SPAG9: variants seen among roughly 807,000 people sequenced by gnomAD.
The protein encoded by SPAG9 is C-Jun-amino-terminal kinase-interacting protein 4.
In SPAG9, 35 loss-of-function variants were observed where a neutral mutation model predicts 166.5. That is an observed-to-expected ratio of 0.21 (90% CI 0.16 to 0.28). SPAG9 has a LOEUF of 0.28. SPAG9 is among the 10% of genes least tolerant of loss of function. The probability of loss-of-function intolerance (pLI) is 1.00; values close to 1 mark genes in which losing one functional copy is unlikely to be tolerated. For synonymous variants in SPAG9, 534 were observed against 565.5 expected, an observed-to-expected ratio of 0.94 and a Z score of 0.79; for missense variants, 1,235 against 1,603.3, an observed-to-expected ratio of 0.77 and a Z score of 3.92.
At chr17:51,006,021 T>C in intron 11 of SPAG9, 64 bp downstream of exon 11, 1 of 1,536,224 alleles carries the variant, frequency 6.5e-7, no homozygotes, top group Non-Finnish European at 9.0e-7. Context: ...CAGGGTTACA[T>C]CTGTAACCCT....
intron 19 of SPAG9, among the ~76,000 whole-genome samples, chr17:50,993,467 TCA>T (rs1185035020): frequency 6.6e-6 from 1 of 152,226 alleles, no homozygotes; most frequent in South Asian, 2.1e-4. Flanking sequence ...TGTTTTAACA[TCA>T]CATAATGTTT....
chr17:51,031,318 A>T, intron 6 of SPAG9: 1 of 257,760 alleles, frequency 3.9e-6, no homozygotes, highest in Non-Finnish European at 7.6e-6. Context: ...GTAAGATGAC[A>T]CACTAGGCCA....
intron 2 of SPAG9, among the ~76,000 whole-genome samples, chr17:51,069,568 C>A (rs1462149795): frequency 6.6e-6 from 1 of 151,960 alleles, no homozygotes; most frequent in African/African-American, 2.4e-5. Flanking sequence ...CTGTTTTAAG[C>A]CTTATTTAAT....
intron 5 of SPAG9, among the ~76,000 whole-genome samples, chr17:51,034,240 G>A (rs974429245): frequency 6.6e-6 from 1 of 152,028 alleles, no homozygotes; most frequent in African/African-American, 2.4e-5. Context: ...TTTTACCCTA[G>A]TAGGCACACT....
chr17:50,988,536 AAAAC>A (rs561777453), intron 21 of SPAG9, among the ~76,000 whole-genome samples: 110 of 152,320 alleles, frequency 7.2e-4, no homozygotes, highest in African/African-American at 2.3e-3. Flanking sequence ...GGAGGAGCCT[AAAAC>A]AAACAGTTTT....
At chr17:51,007,697 C>A in intron 9 of SPAG9, 1 of 288,540 alleles carries the variant, frequency 3.5e-6, no homozygotes. Flanking sequence ...TAAAAAAGAA[C>A]AGCTTTAATA....
chr17:51,005,496 A>G (rs2045173290), intron 11 of SPAG9, among the ~76,000 whole-genome samples: 1 of 152,240 alleles, frequency 6.6e-6, no homozygotes, highest in Non-Finnish European at 1.5e-5. Context: ...TTTCCTTATT[A>G]TCAAAACAAA....
intron 1 of SPAG9, among the ~76,000 whole-genome samples, chr17:51,119,096 T>C (rs559940945): frequency 2.4e-4 from 35 of 144,052 alleles, no homozygotes; most frequent in Middle Eastern, 7.5e-3. Context: ...TTTGAGAAAA[T>C]TGGATCCCAC....
intron 28 of SPAG9, among the ~76,000 whole-genome samples, chr17:50,971,309 AAAACAAAC>A (rs138130404): frequency 0.046 from 6,931 of 149,896 alleles, 495 homozygotes; most frequent in African/African-American, 0.15. Context: ...TTGCTTCTAA[AAAACAAAC>A]AAACAAACAA....
intron 24 of SPAG9, among the ~76,000 whole-genome samples, chr17:50,983,015 C>T (rs149680245): frequency 2.0e-4 from 31 of 152,250 alleles, no homozygotes; most frequent in African/African-American, 7.2e-4. Flanking sequence ...TTGGGAATAA[C>T]GTCTCTCAGT....
At chr17:51,033,700 G>C (rs2046471538) in intron 5 of SPAG9, among the ~76,000 whole-genome samples, 2 of 152,166 alleles carry the variant, frequency 1.3e-5, no homozygotes, top group African/African-American at 4.8e-5. Context: ...GCCTCTTTTA[G>C]AAAATATTTG....
At position 51,005,387 on chromosome 17, in the gene SPAG9, A is replaced by C. The variant is rs868384699; in HGVS notation, c.1425-124T>G. ...TTATTTTTCTTTTCCCAAACAGGGTATTTAGCCACCCTCATTTGGTGGAGT... is the reference window on the plus strand; with the variant it reads ...TTATTTTTCTTTTCCCAAACAGGGTCTTTAGCCACCCTCATTTGGTGGAGT... On this transcript the variant is annotated intron_variant, in intron 11 of 29. Coordinates refer to ENST00000262013, the MANE Select transcript of SPAG9 (RefSeq NM_001130528.3). 19 of 815,772 alleles carry C rather than the reference A, an allele frequency of 2.3e-5. No individual in the cohort carries two copies. The Middle Eastern group carries it at 2.6e-3, about 111-fold the overall frequency. 50.5% of individuals were successfully genotyped at this position (815,772 alleles called of 1,614,324 possible).
At chr17:51,068,118 T>C (rs983768531) in intron 2 of SPAG9, among the ~76,000 whole-genome samples, 2 of 152,232 alleles carry the variant, frequency 1.3e-5, no homozygotes, top group Admixed American at 6.5e-5. Context: ...GGAAGGCAGA[T>C]AGTCCAACTG....
intron 4 of SPAG9, chr17:51,047,118 A>G (rs1329073285): frequency 9.5e-6 from 2 of 210,054 alleles, no homozygotes; most frequent in African/African-American, 4.7e-5. Context: ...TAAACCTAGT[A>G]TAATCTCCAT....
At chr17:51,040,748 A>G (rs1437378337) in intron 5 of SPAG9, among the ~76,000 whole-genome samples, 1 of 152,222 alleles carries the variant, frequency 6.6e-6, no homozygotes, top group Non-Finnish European at 1.5e-5. Flanking sequence ...AGTATTATGG[A>G]GAAAAATAAA....
chr17:51,025,372 G>T (rs1193154563), intron 6 of SPAG9, among the ~76,000 whole-genome samples: 1 of 144,738 alleles, frequency 6.9e-6, no homozygotes. Flanking sequence ...TTGGTAACTG[G>T]CACCCAATAT....
chr17:51,066,567 G>GAAAAAAAAAAAA (rs71149340), intron 2 of SPAG9, among the ~76,000 whole-genome samples: 14 of 110,836 alleles, frequency 1.3e-4, no homozygotes, highest in South Asian at 3.0e-4. Context: ...AAAAAAAAAA[G>GAAAAAAAAAAAA]AAAAAAAAAA....
At chr17:51,058,648 A>G (rs1026609908) in intron 2 of SPAG9, among the ~76,000 whole-genome samples, 7 of 152,228 alleles carry the variant, frequency 4.6e-5, no homozygotes, top group African/African-American at 1.7e-4. Flanking sequence ...ATTCACAGAT[A>G]CTTTGATACA....
chr17:50,979,343 G>T (rs1326345854), intron 26 of SPAG9, among the ~76,000 whole-genome samples: 2 of 140,544 alleles, frequency 1.4e-5, no homozygotes, highest in African/African-American at 5.4e-5. Context: ...CTGCACTCCA[G>T]CCTAGGTGAC....
Sources: allele counts gnomAD v4.1 joint callset (sites outside exome capture counted in the v4.1 genomes callset), GRCh38; gene constraint gnomAD v4.1.1; transcripts MANE v1.5; gene names NCBI Gene and HGNC (gene_info 2026-07-23, HGNC 2026-07-21).